ARID1B: variants seen among roughly 807,000 people sequenced by gnomAD.
The protein encoded by ARID1B is AT-rich interaction domain 1B, also known as AT-rich interactive domain-containing protein 1B.
ARID1B carries 30 observed loss-of-function variants against 212.3 expected under a neutral mutation model. That is an observed-to-expected ratio of 0.14 (90% CI 0.11 to 0.19). ARID1B has a LOEUF of 0.19. ARID1B is among the 10% of genes least tolerant of loss of function. ARID1B has a pLI of 1.00. For missense variants in ARID1B, 2,891 were observed against 3,204.0 expected, an observed-to-expected ratio of 0.90 and a Z score of 2.36; for synonymous variants, 1,402 against 1,301.7, an observed-to-expected ratio of 1.08 and a Z score of -1.66.
rs1456891900 is a variant in ARID1B, at chr6:157,203,779, CTTA to C, written c.5264-84_5264-82del. ...AGTCAATATTTAACTTAACACTCCA[CTTA>C]TTTTTTCTTACTCTTTCGTTAACTT... is the stretch of plus-strand genomic sequence containing the variant. On this transcript the variant is annotated intron_variant, in intron 18 of 19. Transcript: ENST00000636930. The surrounding 1 kb of genome is among the most constrained non-coding windows in gnomAD (Gnocchi z 4.4). The C allele has an allele frequency of 2.0e-6, 3 of 1,505,802 alleles. No homozygotes were observed. The African/African-American group carries it at 4.1e-5, about 21-fold the overall frequency. The allele number at this position is 1,505,802 out of a possible 1,614,324, so 93.3% of individuals were successfully genotyped here.
intron 3 of ARID1B, among the ~76,000 whole-genome samples, chr6:156,903,053 C>T (rs1310653277): frequency 6.6e-6 from 1 of 152,126 alleles, no homozygotes; most frequent in African/African-American, 2.4e-5. Flanking sequence ...AAATGAATCT[C>T]TGATCATAAA....
intron 2 of ARID1B, among the ~76,000 whole-genome samples, chr6:156,838,709 T>TATAATAATA (rs35310749): frequency 0.3 from 43,209 of 145,538 alleles, 6,645 homozygotes; most frequent in African/African-American, 0.34. Context: ...GAACTTAAAG[T>TATAATAATA]ATAATAATAA....
At chr6:156,858,238 A>T in intron 2 of ARID1B, among the ~76,000 whole-genome samples, 1 of 151,798 alleles carries the variant, frequency 6.6e-6, no homozygotes, top group Admixed American at 6.6e-5. Context: ...TAGTGGAGAG[A>T]TGGGAGGGGG....
Position 157,210,070 on chromosome 6 carries a change from C to T in ARID1B, c.*2179C>T, listed in dbSNP as rs1257441542. On this transcript the variant is annotated 3_prime_UTR_variant, in exon 20 of 20. Coordinates refer to ENST00000636930, the MANE Select transcript of ARID1B (RefSeq NM_001374828.1). ...ACATGCAGTTACAGTCATTGTGAGACGTGACTCTCCAGTGTCACGAGGAAA... is the reference window on the plus strand; with the variant it reads ...ACATGCAGTTACAGTCATTGTGAGATGTGACTCTCCAGTGTCACGAGGAAA... 3 of 232,800 alleles carry T rather than the reference C, an allele frequency of 1.3e-5. No homozygotes were observed. Among genetic ancestry groups the T allele is most frequent in the Admixed American group, 1.1e-4 (2 of 17,772 alleles). The allele number at this position is 232,800 out of a possible 1,614,324, so 14.4% of individuals were successfully genotyped here. A position where few individuals can be genotyped will look rare whatever the true frequency, so the allele number is the denominator to read the frequency against.
In ARID1B at chr6:156,961,514, G is replaced by A. The variant is rs576700647; in HGVS notation, c.2247+25938G>A. ...TCCTCTCCCGGGTCCGCTGCGTTGC[G>A]CGGGCAGGACAGTCAGGTGAGCACA... On this transcript the variant is annotated intron_variant, in intron 4 of 19. Transcript: ENST00000636930. Among the ~76,000 whole-genome samples the A allele has an allele frequency of 8.5e-5, 13 of 152,282 alleles. No individual in the cohort carries two copies. The East Asian group carries it at 1.4e-3, about 16-fold the overall frequency.
At position 157,089,234 on chromosome 6, in the gene ARID1B, A is replaced by G. The variant is rs77476846; in HGVS notation, c.2491+4329A>G. Among the ~76,000 whole-genome samples, 208 of 151,330 alleles carry G rather than the reference A, an allele frequency of 1.4e-3. 2 individuals carry two copies. Among genetic ancestry groups the G allele is most frequent in the African/African-American group, 4.7e-3 (197 of 41,566 alleles). On this transcript the variant is annotated intron_variant, in intron 5 of 19. Transcript: ENST00000636930. ...CATTTTTCTCCATCTCTACCCTGGT[A>G]AATGTAATTGACAGCTAATGAGAAG...
intron 6 of ARID1B, among the ~76,000 whole-genome samples, chr6:157,122,254 AC>A (rs1349057308): frequency 2.0e-5 from 3 of 152,180 alleles, no homozygotes; most frequent in Middle Eastern, 3.2e-3. Context: ...TCCTAGACTT[AC>A]GCGAACACTG....
chr6:156,824,419 C>T (rs1227054874), intron 1 of ARID1B, among the ~76,000 whole-genome samples: 1 of 152,162 alleles, frequency 6.6e-6, no homozygotes. Flanking sequence ...CCTGATAGAG[C>T]ATAAACTTTC....
chr6:157,081,811 GA>G (rs1784645069), intron 4 of ARID1B, among the ~76,000 whole-genome samples: 1 of 152,128 alleles, frequency 6.6e-6, no homozygotes, highest in Admixed American at 6.5e-5. Context: ...TATGATGAGA[GA>G]TTTGCATAAA....
intron 2 of ARID1B, among the ~76,000 whole-genome samples, chr6:156,897,637 C>T (rs1397716297): frequency 6.6e-6 from 1 of 151,256 alleles, no homozygotes; most frequent in Non-Finnish European, 1.5e-5. Flanking sequence ...TTTGAGATCT[C>T]CATTTAGTTC....
In ARID1B at chr6:157,181,100, T is replaced by C. The variant is rs752073815; in HGVS notation, c.3636T>C (p.Ser1212=). The C allele has an allele frequency of 1.5e-5, 25 of 1,614,198 alleles. No homozygotes were observed. Among genetic ancestry groups the C allele is most frequent in the Admixed American group, 8.3e-5 (5 of 60,016 alleles). Residue 1212 remains serine, a synonymous_variant, in exon 12 of 20, where the codon AGT becomes AGC. Transcript: ENST00000636930. ...FMEERGSPVS[S]LPAVGKKPLD... ...AAGAGAGAGGCTCTCCTGTCTCAAG[T>C]CTGCCTGCCGTGGGCAAGAAGCCCC...
chr6:156,957,488 C>G (rs1269821352), intron 4 of ARID1B, among the ~76,000 whole-genome samples: 1 of 152,040 alleles, frequency 6.6e-6, no homozygotes, highest in Admixed American at 6.6e-5. Flanking sequence ...CCAGGACCAC[C>G]GTGCAGGCTT....
chr6:156,825,948 C>A (rs1433919931), intron 1 of ARID1B, among the ~76,000 whole-genome samples: 3 of 152,086 alleles, frequency 2.0e-5, no homozygotes, highest in African/African-American at 4.8e-5. Context: ...GAATTCTTAG[C>A]CCTAGATTTT....
At chr6:157,132,873 A>G (rs1251313756) in intron 6 of ARID1B, among the ~76,000 whole-genome samples, 155 bp from the exon 7 acceptor site, 2 of 152,202 alleles carry the variant, frequency 1.3e-5, no homozygotes, top group Admixed American at 6.5e-5. Context: ...CAGACCGTCC[A>G]CGCTGAACTG....
At chr6:156,985,140 G>A (rs1398094771) in intron 4 of ARID1B, 1 of 152,224 alleles carries the variant, frequency 6.6e-6, no homozygotes, top group Non-Finnish European at 1.5e-5. Flanking sequence ...CTTTCAGGCT[G>A]TGACTCTTAA....
At chr6:157,189,982 T>TCA in intron 14 of ARID1B, 56 bp from the exon 15 acceptor site, 1 of 1,596,502 alleles carries the variant, frequency 6.3e-7, no homozygotes, top group Non-Finnish European at 8.5e-7. Flanking sequence ...CTGAATGTAC[T>TCA]GTTTGGAGGT....
At chr6:157,084,958 ATGTTCAT>A in intron 5 of ARID1B, 53 bp downstream of exon 5, 1 of 1,547,032 alleles carries the variant, frequency 6.5e-7, no homozygotes, top group Non-Finnish European at 8.7e-7. Flanking sequence ...GAGAGATTTC[ATGTTCAT>A]CAACAGTAAC....
At chr6:156,829,751 G>A (rs769234510) in intron 2 of ARID1B, 8 of 197,702 alleles carry the variant, frequency 4.0e-5, no homozygotes, top group Non-Finnish European at 7.2e-5. Context: ...TTGTCAGACT[G>A]TGTCAGATTT....
intron 11 of ARID1B, among the ~76,000 whole-genome samples, chr6:157,176,419 T>C (rs1792107583): frequency 6.6e-6 from 1 of 152,212 alleles, no homozygotes; most frequent in African/African-American, 2.4e-5. Flanking sequence ...CTTTTTTTAA[T>C]AGGAAAAGCA....
Sources: gnomAD v4.1 joint callset for allele counts (sites outside exome capture counted in the v4.1 genomes callset) on GRCh38, gnomAD v4.1.1 for gene constraint, Gnocchi (gnomAD v3.1) non-coding constraint, MANE v1.5 for transcripts, NCBI Gene and HGNC (gene_info 2026-07-23, HGNC 2026-07-21) for gene names.